HDAC9: variants seen among roughly 807,000 people sequenced by gnomAD.
HDAC9 encodes histone deacetylase 9.
HDAC9 carries 41 observed loss-of-function variants against 139.4 expected under a neutral mutation model. That is an observed-to-expected ratio of 0.29 (90% CI 0.23 to 0.38). The LOEUF (loss-of-function observed/expected upper bound fraction) is 0.38. HDAC9 is among the 10% of genes least tolerant of loss of function. HDAC9 has a pLI of 1.00. For synonymous variants in HDAC9, 517 were observed against 476.2 expected (o/e 1.09, Z -1.12); for missense variants, 1,147 against 1,297.0 (o/e 0.88, Z 1.78).
At chr7:18,976,889 A>G (rs978993017) in intron 25 of HDAC9, among the ~76,000 whole-genome samples, 1 of 152,138 alleles carries the variant, frequency 6.6e-6, no homozygotes, top group African/African-American at 2.4e-5. Context: ...CAATAACATC[A>G]CCATTAATTA....
chr7:18,620,520 T>C (rs1004725385), intron 6 of HDAC9, among the ~76,000 whole-genome samples: 4 of 152,020 alleles, frequency 2.6e-5, no homozygotes, highest in African/African-American at 4.8e-5. Context: ...GTACTTTTTT[T>C]TTTTTTTTAA....
At chr7:18,981,580 T>C (rs1784951637) in intron 25 of HDAC9, among the ~76,000 whole-genome samples, 1 of 152,136 alleles carries the variant, frequency 6.6e-6, no homozygotes, top group African/African-American at 2.4e-5. Flanking sequence ...GTTGCCTGCA[T>C]TCCTTGGCTC....
At chr7:18,700,409 T>C (rs1305406157) in intron 12 of HDAC9, among the ~76,000 whole-genome samples, 1 of 152,218 alleles carries the variant, frequency 6.6e-6, no homozygotes, top group African/African-American at 2.4e-5. Flanking sequence ...TTCTAGAATT[T>C]AGTTTCCCAG....
At chr7:18,226,904 G>A (rs762028475) in intron 2 of HDAC9, among the ~76,000 whole-genome samples, 9 of 152,166 alleles carry the variant, frequency 5.9e-5, no homozygotes, top group Non-Finnish European at 1.0e-4. Context: ...CAAATAGAGC[G>A]ATGACAGAAT....
intron 1 of HDAC9, among the ~76,000 whole-genome samples, chr7:18,330,832 T>C (rs1211263214): frequency 6.6e-6 from 1 of 151,652 alleles, no homozygotes; most frequent in African/African-American, 2.4e-5. Flanking sequence ...ACAATAAAGT[T>C]ATGCAAATTG....
intron 1 of HDAC9, among the ~76,000 whole-genome samples, chr7:18,420,890 G>A (rs1789557581): frequency 6.6e-6 from 1 of 152,210 alleles, no homozygotes; most frequent in South Asian, 2.1e-4. Flanking sequence ...TAGCGTGTAA[G>A]CTGATACTTG....
chr7:18,504,953 T>C (rs930121137), intron 2 of HDAC9, among the ~76,000 whole-genome samples: 2 of 152,210 alleles, frequency 1.3e-5, no homozygotes, highest in Non-Finnish European at 2.9e-5. Flanking sequence ...TATATATGTA[T>C]AAACAAATAC....
intron 2 of HDAC9, among the ~76,000 whole-genome samples, chr7:18,199,089 G>T (rs1305782397): frequency 2.0e-5 from 3 of 151,794 alleles, no homozygotes; most frequent in Non-Finnish European, 2.9e-5. Context: ...TAAGTTTTTT[G>T]TTTGTTTGTT....
chr7:18,872,639 C>T (rs1437958503), intron 21 of HDAC9, among the ~76,000 whole-genome samples: 1 of 152,122 alleles, frequency 6.6e-6, no homozygotes, highest in African/African-American at 2.4e-5. Flanking sequence ...GGCACTTATA[C>T]TCTGTAGATC....
At chr7:18,206,836 G>C (rs1165692367) in intron 2 of HDAC9, among the ~76,000 whole-genome samples, 1 of 152,042 alleles carries the variant, frequency 6.6e-6, no homozygotes, top group Non-Finnish European at 1.5e-5. Flanking sequence ...GTAGGAAGAG[G>C]AGTGGCAGCA....
At chr7:18,733,781 T>C (rs1448348680) in intron 13 of HDAC9, among the ~76,000 whole-genome samples, 1 of 152,146 alleles carries the variant, frequency 6.6e-6, no homozygotes, top group Non-Finnish European at 1.5e-5. Context: ...GACAGACTTA[T>C]TGGGACACAA....
At chr7:18,317,323 G>C (rs1218997038) in intron 1 of HDAC9, among the ~76,000 whole-genome samples, 2 of 152,012 alleles carry the variant, frequency 1.3e-5, no homozygotes, top group Non-Finnish European at 2.9e-5. Context: ...CTAGCAGCCA[G>C]ATTTTCTTGA....
At chr7:18,269,140 A>C (rs1169816914) in intron 2 of HDAC9, among the ~76,000 whole-genome samples, 1 of 152,210 alleles carries the variant, frequency 6.6e-6, no homozygotes, top group Admixed American at 6.5e-5. Context: ...GTGCTGCTTC[A>C]GGGCTTATAG....
chr7:18,544,849 C>A (rs1427481610), intron 2 of HDAC9, among the ~76,000 whole-genome samples: 1 of 152,188 alleles, frequency 6.6e-6, no homozygotes. Context: ...TATTCCTTGG[C>A]AAATGTTGAC....
At chr7:18,918,611 T>C (rs752513849) in intron 22 of HDAC9, among the ~76,000 whole-genome samples, 57 of 152,008 alleles carry the variant, frequency 3.7e-4, no homozygotes, top group African/African-American at 9.9e-4. Context: ...TTCACACTTA[T>C]TGTCTGTCTC....
intron 1 of HDAC9, among the ~76,000 whole-genome samples, chr7:18,385,031 C>G (rs1785787942): frequency 6.6e-6 from 1 of 152,092 alleles, no homozygotes; most frequent in Non-Finnish European, 1.5e-5. Flanking sequence ...TGAGATAATC[C>G]TTCAATCCTT....
At chr7:18,412,551 C>CGATCATACT (rs1376120687) in intron 1 of HDAC9, among the ~76,000 whole-genome samples, 1 of 152,100 alleles carries the variant, frequency 6.6e-6, no homozygotes, top group Non-Finnish European at 1.5e-5. Context: ...GATGAAGACA[C>CGATCATACT]GATCATACTC....
chr7:18,357,359 G>T (rs1277113310), intron 1 of HDAC9, among the ~76,000 whole-genome samples: 4 of 152,108 alleles, frequency 2.6e-5, no homozygotes, highest in South Asian at 2.1e-4. Flanking sequence ...CAGTTAAATT[G>T]ACTTTTTCTT....
chr7:18,430,900 A>T (rs1171554434), intron 1 of HDAC9, among the ~76,000 whole-genome samples: 5 of 152,078 alleles, frequency 3.3e-5, no homozygotes, highest in Admixed American at 3.3e-4. Context: ...ACCAAACCAA[A>T]CCAAACAAAA....
Sources: gnomAD v4.1 joint callset for allele counts (sites outside exome capture counted in the v4.1 genomes callset) on GRCh38, gnomAD v4.1.1 for gene constraint, MANE v1.5 for transcripts, NCBI Gene and HGNC (gene_info 2026-07-23, HGNC 2026-07-21) for gene names.